Variants in SMARCC2 observed in about 807,000 individuals in gnomAD.
SMARCC2 encodes SWI/SNF complex subunit SMARCC2.
A neutral mutation model predicts 151.3 loss-of-function variants in SMARCC2; 15 were observed. That is an observed-to-expected ratio of 0.10 (90% CI 0.07 to 0.15). The LOEUF (loss-of-function observed/expected upper bound fraction) is 0.15. Ranked by LOEUF, SMARCC2 falls within the 10% of genes least tolerant of loss-of-function variation. The probability of loss-of-function intolerance (pLI) is 1.00; values close to 1 mark genes in which losing one functional copy is unlikely to be tolerated. For missense variants in SMARCC2, 1,031 were observed against 1,599.7 expected (o/e 0.64, Z 6.06); for synonymous variants, 590 against 609.5 (o/e 0.97, Z 0.47).
At chr12:56,182,223 A>G in intron 7 of SMARCC2, 144 bp from the exon 8 acceptor site, 3 of 566,258 alleles carry the variant, frequency 5.3e-6, no homozygotes, top group Non-Finnish European at 6.3e-6. Context: ...ATAAAGTAGT[A>G]AAAGCACATT....
intron 15 of SMARCC2, among the ~76,000 whole-genome samples, chr12:56,177,701 A>G (rs775362442): frequency 6.6e-6 from 1 of 151,894 alleles, no homozygotes; most frequent in Non-Finnish European, 1.5e-5. Context: ...TGTGCTAGGA[A>G]TATCTGCAGT....
At chr12:56,186,346 TCC>T (rs1877242103) in intron 2 of SMARCC2, 106 bp from the exon 3 acceptor site, 1 of 611,094 alleles carries the variant, frequency 1.6e-6, no homozygotes, top group Non-Finnish European at 2.8e-6. Flanking sequence ...TGAATTGATC[TCC>T]CTTTTTTTTT....
chr12:56,174,104 T>C (rs550954434), intron 16 of SMARCC2, among the ~76,000 whole-genome samples: 137 of 152,330 alleles, frequency 9.0e-4, no homozygotes, highest in African/African-American at 3.1e-3. Context: ...CATTTCTTCC[T>C]GAATAGCTAG....
intron 1 of SMARCC2, among the ~76,000 whole-genome samples, chr12:56,188,650 C>A (rs1475643335): frequency 6.6e-6 from 1 of 152,118 alleles, no homozygotes; most frequent in Non-Finnish European, 1.5e-5. Flanking sequence ...CCTAACCTCT[C>A]GACCCCAAAC....
chr12:56,182,073 G>C lies in SMARCC2; in HGVS notation c.639C>G (p.Asp213Glu). The change falls in exon 8 of 29, where the codon GAC becomes GAG. Residue 213 changes from aspartate (D) to glutamate (E), a missense_variant. Coordinates refer to ENST00000550164, the MANE Select transcript of SMARCC2 (RefSeq NM_001330288.2). ...CAATTTCACTCGCTGGGATCCACGTGTCGTAACTGCCATGGGAAATTGAGC... is the reference window on the plus strand; with the variant it reads ...CAATTTCACTCGCTGGGATCCACGTCTCGTAACTGCCATGGGAAATTGAGC... ...LHWGYYPDSY[D>E]TWIPASEIEA... The C allele has an allele frequency of 6.2e-7, 1 of 1,611,096 alleles. No individual in the cohort carries two copies. The highest frequency in any genetic ancestry group is 8.5e-7 in the Non-Finnish European group (1 of 1,177,904).
chr12:56,170,249 T>C (rs1398480751), intron 22 of SMARCC2, 41 bp from the exon 23 acceptor site: 2 of 1,541,090 alleles, frequency 1.3e-6, no homozygotes, highest in East Asian at 2.3e-5. Flanking sequence ...AAATGTTTAA[T>C]ACACAGTCGT....
chr12:56,182,045 C>T lies in SMARCC2; in HGVS notation c.667G>A (p.Ala223Thr). 1.2e-6 allele frequency: 2 copies of T among 1,613,050 alleles called. No homozygotes were observed. Among genetic ancestry groups the T allele is most frequent in the Non-Finnish European group, 1.7e-6 (2 of 1,179,502 alleles). Residue 223 changes from alanine (A) to threonine (T), a missense_variant, in exon 8 of 29, where the codon GCA (alanine) becomes ACA (threonine). Ala to Thr is a moderately conservative substitution (Grantham distance 58, BLOSUM62 0). Around this residue, in one of 12 missense-constraint regions of SMARCC2, gnomAD observed 123 missense variants for 190.4 expected, o/e 0.65. Transcript: ENST00000550164. Reference sequence around the variant, plus strand: ...GGAGTTGGAGCATCTTCCACAGATGCCTCAATTTCACTCGCTGGGATCCAC... The same window carrying T: ...GGAGTTGGAGCATCTTCCACAGATGTCTCAATTTCACTCGCTGGGATCCAC... ...DTWIPASEIE[A>T]SVEDAPTPEK...
In SMARCC2 at chr12:56,174,750, C is replaced by T. The variant is rs1201950671; in HGVS notation, c.1397G>A (p.Arg466Gln). ...TCGGTAAGTGTCAATCATAAAGTTTCGATAGGCCAGGTAGCTTAGAAGAAA... is the reference window on the plus strand; with the variant it reads ...TCGGTAAGTGTCAATCATAAAGTTTTGATAGGCCAGGTAGCTTAGAAGAAA... Reference protein sequence around the residue: ...SKTPEIYLAYRNFMIDTYRLN... With the variant: ...SKTPEIYLAYQNFMIDTYRLN... The change falls in exon 16 of 29, where the codon CGA becomes CAA. Residue 466 changes from arginine (R) to glutamine (Q), a missense_variant. Coordinates refer to ENST00000550164, the MANE Select transcript of SMARCC2 (RefSeq NM_001330288.2). 3 of 1,609,412 alleles carry T rather than the reference C, an allele frequency of 1.9e-6. No individual in the cohort carries two copies. The highest frequency in any genetic ancestry group is 2.6e-6 in the Non-Finnish European group (3 of 1,176,348).
chr12:56,185,801 A>G, intron 3 of SMARCC2: 1 of 240,372 alleles, frequency 4.2e-6, no homozygotes, highest in Non-Finnish European at 8.1e-6. Context: ...ATGGGAAATT[A>G]GGAGGCAAGC....
At position 56,172,034 on chromosome 12, in the gene SMARCC2, C is replaced by G. The variant is rs1004288884; in HGVS notation, c.1927-97G>C. 6 of 1,125,876 alleles carry G rather than the reference C, an allele frequency of 5.3e-6. No individual in the cohort carries two copies. The African/African-American group carries it at 7.8e-5, about 15-fold the overall frequency. 69.7% of individuals were successfully genotyped at this position (1,125,876 alleles called of 1,614,324 possible). On this transcript the variant is annotated intron_variant, in intron 20 of 28. Coordinates refer to ENST00000550164, the MANE Select transcript of SMARCC2 (RefSeq NM_001330288.2). ...ACTAAGGGCAGCTGGTTTCAAAGTT[C>G]TCTATGTTCTGGTATTTGTGTACTC...
intron 18 of SMARCC2, 31 bp downstream of exon 18, chr12:56,172,906 A>T: frequency 6.2e-7 from 1 of 1,605,552 alleles, no homozygotes; most frequent in South Asian, 1.1e-5. Context: ...GGGGAAAATG[A>T]GCAGCCCAGC....
At position 56,170,203 on chromosome 12, in the gene SMARCC2, T is replaced by C. The variant is rs111975931; in HGVS notation, c.2353A>G (p.Ser785Gly). The change falls in exon 23 of 29, where the codon AGC becomes GGC. Residue 785 changes from serine (S) to glycine (G), a missense_variant. This residue lies in a region of SMARCC2 where 119 missense variants were observed against 184.2 expected (regional missense o/e 0.65). Transcript: ENST00000550164. Reference protein sequence around the residue: ...TSDEPERIEESGNDEARVEGQ... With the variant: ...TSDEPERIEEGGNDEARVEGQ... ...TCCACCCGAGCCTCGTCATTCCCGCTCTCCTCTGGGCCCATGAGAAAAGAA... is the reference window on the plus strand; with the variant it reads ...TCCACCCGAGCCTCGTCATTCCCGCCCTCCTCTGGGCCCATGAGAAAAGAA... 10 of 1,613,366 alleles carry C rather than the reference T, an allele frequency of 6.2e-6. No individual in the cohort carries two copies. The highest frequency in any genetic ancestry group is 8.5e-6 in the Non-Finnish European group (10 of 1,179,480).
Position 56,174,771 on chromosome 12 carries a change from AG to A in SMARCC2, c.1383-8del. 1 of 1,531,404 alleles carries A rather than the reference AG, an allele frequency of 6.5e-7. No homozygotes were observed. The allele number at this position is 1,531,404 out of a possible 1,614,324, so 94.9% of individuals were successfully genotyped here. A position where few individuals can be genotyped will look rare whatever the true frequency, so the allele number is the denominator to read the frequency against. The stretch of plus-strand genomic sequence containing the variant: ...GTTTCGATAGGCCAGGTAGCTTAGA[AG>A]AAAGAGAGAGAGAAACAAGAAGAAG... On this transcript the variant is annotated splice_polypyrimidine_tract_variant and splice_region_variant and intron_variant, in intron 15 of 28. Transcript: ENST00000550164.
intron 25 of SMARCC2, 151 bp downstream of exon 25, chr12:56,169,378 G>A (rs1873465855): frequency 2.1e-6 from 2 of 964,298 alleles, no homozygotes; most frequent in Non-Finnish European, 3.1e-6. Context: ...TTAGAGAAGG[G>A]ATGACTAACT....
In SMARCC2 at chr12:56,162,691, G is replaced by GC. The variant is rs1872042919; in HGVS notation, c.*997dup. On this transcript the variant is annotated 3_prime_UTR_variant, in exon 29 of 29. Coordinates refer to ENST00000550164, the MANE Select transcript of SMARCC2 (RefSeq NM_001330288.2). Reference sequence around the variant, plus strand: ...AAATCCCTGCATCCTCATCTGGGGAGCCCCCAGCTATCAGCTGAAGTTCTC... The same window carrying GC: ...AAATCCCTGCATCCTCATCTGGGGAGCCCCCCAGCTATCAGCTGAAGTTCTC... 9.6e-6 allele frequency: 2 copies of GC among 208,800 alleles called. No individual in the cohort carries two copies. Among genetic ancestry groups the GC allele is most frequent in the African/African-American group, 2.3e-5 (1 of 43,232 alleles). The allele number at this position is 208,800 out of a possible 1,614,324, so 12.9% of individuals were successfully genotyped here. A position where few individuals can be genotyped will look rare whatever the true frequency, so the allele number is the denominator to read the frequency against.
rs756402773 is a variant in SMARCC2, at chr12:56,185,017, A to C, written c.399+13T>G. The stretch of plus-strand genomic sequence containing the variant: ...CTGAGGGAAGGGAGATAAATAGGGT[A>C]TATGCCTATTACCTGCACCAAGGAC... On this transcript the variant is annotated intron_variant, in intron 4 of 28. Coordinates refer to ENST00000550164, the MANE Select transcript of SMARCC2 (RefSeq NM_001330288.2). 3.7e-6 allele frequency: 6 copies of C among 1,601,270 alleles called. No individual in the cohort carries two copies. In the African/African-American group the frequency reaches 8.0e-5, roughly 21 times the overall value.
In SMARCC2 at chr12:56,180,971, C is replaced by T; in HGVS notation, c.1081+6G>A. On this transcript the variant is annotated splice_donor_region_variant and intron_variant, in intron 11 of 28. Coordinates refer to ENST00000550164, the MANE Select transcript of SMARCC2 (RefSeq NM_001330288.2). Reference sequence around the variant, plus strand: ...GTGGATCCCAGGAGCTCAGCCTGGCCTGTACCTGTTTTGGGAAGTGTCACC... The same window carrying T: ...GTGGATCCCAGGAGCTCAGCCTGGCTTGTACCTGTTTTGGGAAGTGTCACC... 1.2e-6 allele frequency: 2 copies of T among 1,611,178 alleles called. No homozygotes were observed. Among genetic ancestry groups the T allele is most frequent in the Non-Finnish European group, 1.7e-6 (2 of 1,178,326 alleles).
Position 56,165,713 on chromosome 12 carries a change from T to A in SMARCC2, c.2851-14A>T, listed in dbSNP as rs1221426464. On this transcript the variant is annotated splice_polypyrimidine_tract_variant and intron_variant, in intron 26 of 28. Transcript: ENST00000550164. Reference sequence around the variant, plus strand: ...CTGATACTCCAGCTGCCAGTGCCAATTGAGTATTGTTATCCAATTTTCAGC... The same window carrying A: ...CTGATACTCCAGCTGCCAGTGCCAAATGAGTATTGTTATCCAATTTTCAGC... 6.2e-7 allele frequency: 1 copy of A among 1,605,802 alleles called. No homozygotes were observed.
chr12:56,165,194 G>A (rs1872551744), intron 27 of SMARCC2, 124 bp downstream of exon 27: 1 of 1,222,634 alleles, frequency 8.2e-7, no homozygotes, highest in Non-Finnish European at 1.1e-6. Flanking sequence ...TAAGAGAGAT[G>A]GGCCCATCTG....
Sources: allele counts gnomAD v4.1 joint callset (sites outside exome capture counted in the v4.1 genomes callset), GRCh38; gene constraint gnomAD v4.1.1; regional missense constraint gnomAD v4.1.1; transcripts MANE v1.5; gene names NCBI Gene and HGNC (gene_info 2026-07-23, HGNC 2026-07-21).